PPIL4: variants seen among roughly 807,000 people sequenced by gnomAD.
PPIL4 encodes the protein peptidylprolyl isomerase like 4.
In PPIL4, 50 loss-of-function variants were observed where a neutral mutation model predicts 69.1. The observed-to-expected ratio is 0.72, with a 90% CI of 0.58 to 0.92. The LOEUF (loss-of-function observed/expected upper bound fraction) is 0.92, where lower values mean the gene tolerates loss of function less well. PPIL4 is among the 40% of genes least tolerant of loss of function. PPIL4 has a pLI of 0.00. For missense variants in PPIL4, 480 were observed against 587.9 expected (o/e 0.82, Z 1.90); for synonymous variants, 193 against 191.6 (o/e 1.01, Z -0.06).
At chr6:149,525,608 CATACAT>C (rs1233316353) in intron 8 of PPIL4, among the ~76,000 whole-genome samples, 1 of 152,124 alleles carries the variant, frequency 6.6e-6, no homozygotes, top group African/African-American at 2.4e-5. Context: ...TATGCATACT[CATACAT>C]ATATAAATGT....
At chr6:149,524,934 C>A (rs1456014102) in intron 9 of PPIL4, among the ~76,000 whole-genome samples, 4 of 151,820 alleles carry the variant, frequency 2.6e-5, no homozygotes, top group South Asian at 4.1e-4. Flanking sequence ...TACTTTCATG[C>A]AGATTGCACC....
intron 9 of PPIL4, among the ~76,000 whole-genome samples, chr6:149,523,958 G>A (rs1295043859): frequency 6.6e-6 from 1 of 152,110 alleles, no homozygotes. Context: ...ATAACTTTAT[G>A]GTCTATCTTC....
At chr6:149,530,168 T>C (rs537423940) in intron 7 of PPIL4, among the ~76,000 whole-genome samples, 22 of 152,326 alleles carry the variant, frequency 1.4e-4, no homozygotes, top group Non-Finnish European at 3.1e-4. Flanking sequence ...TGTATCAATA[T>C]TGGCTCATCA....
At chr6:149,536,626 A>G (rs1777280112) in intron 4 of PPIL4, among the ~76,000 whole-genome samples, 1 of 152,016 alleles carries the variant, frequency 6.6e-6, no homozygotes, top group African/African-American at 2.4e-5. Context: ...ACTTTATTCA[A>G]TTCTATAAAG....
At chr6:149,538,807 T>G (rs1383813084) in intron 4 of PPIL4, among the ~76,000 whole-genome samples, 1 of 151,786 alleles carries the variant, frequency 6.6e-6, no homozygotes, top group East Asian at 1.9e-4. Flanking sequence ...TGACCAGATA[T>G]GGAGCTCCTT....
At chr6:149,533,924 C>T (rs941983597) in intron 6 of PPIL4, among the ~76,000 whole-genome samples, 3 of 152,148 alleles carry the variant, frequency 2.0e-5, no homozygotes, top group East Asian at 1.9e-4. Context: ...TGGGAGAACA[C>T]GCAGGTGGAT....
chr6:149,529,798 A>G (rs916129000), intron 7 of PPIL4, among the ~76,000 whole-genome samples: 2 of 151,614 alleles, frequency 1.3e-5, no homozygotes, highest in African/African-American at 4.9e-5. Flanking sequence ...GAAAAGAAAG[A>G]AAAAGAAAAA....
At chr6:149,529,436 G>A (rs919978311) in intron 7 of PPIL4, among the ~76,000 whole-genome samples, 8 of 151,108 alleles carry the variant, frequency 5.3e-5, no homozygotes, top group African/African-American at 1.9e-4. Flanking sequence ...GCAACAGAGC[G>A]AGAACCTGTC....
intron 7 of PPIL4, among the ~76,000 whole-genome samples, chr6:149,528,649 A>G (rs1482410564): frequency 6.6e-6 from 1 of 152,258 alleles, no homozygotes; most frequent in East Asian, 1.9e-4. Flanking sequence ...GAGGCAAAAG[A>G]AACCCTCATT....
intron 7 of PPIL4, among the ~76,000 whole-genome samples, chr6:149,532,588 TCAGA>T (rs1777215552): frequency 6.6e-6 from 1 of 152,206 alleles, no homozygotes; most frequent in Non-Finnish European, 1.5e-5. Context: ...ATTTGTTCAT[TCAGA>T]CAGTTGATGG....
At chr6:149,513,438 T>TATATATATATATATAC (rs747681212) in intron 11 of PPIL4, among the ~76,000 whole-genome samples, 1 of 103,426 alleles carries the variant, frequency 9.7e-6, no homozygotes, top group African/African-American at 3.7e-5. Flanking sequence ...TATATATATA[T>TATATATATATATATAC]ACATATAAAA....
intron 9 of PPIL4, among the ~76,000 whole-genome samples, chr6:149,524,862 C>T (rs1156349822): frequency 1.3e-5 from 2 of 151,760 alleles, no homozygotes; most frequent in Non-Finnish European, 2.9e-5. Flanking sequence ...GACTGCGCCA[C>T]TGCACTCCAG....
intron 12 of PPIL4, among the ~76,000 whole-genome samples, chr6:149,507,015 C>A (rs1473642678): frequency 4.6e-5 from 7 of 152,150 alleles, no homozygotes; most frequent in Non-Finnish European, 8.8e-5. Context: ...TAGACCACAG[C>A]CAATGCTCTT....
At position 149,505,424 on chromosome 6, in the gene PPIL4, T is replaced by A. The variant is rs199529936; in HGVS notation, c.*29A>T. 1.9e-6 allele frequency: 3 copies of A among 1,595,866 alleles called. No individual in the cohort carries two copies. Among genetic ancestry groups the A allele is most frequent in the Non-Finnish European group, 2.6e-6 (3 of 1,172,608 alleles). On this transcript the variant is annotated 3_prime_UTR_variant, in exon 13 of 13. Coordinates refer to ENST00000253329, the MANE Select transcript of PPIL4 (RefSeq NM_139126.4). ...CTTAAGTTAGACAAGAGTAAATATG[T>A]TAGCCTCTCAATTCTGCCTCTTCAT...
chr6:149,506,445 C>G (rs952780515), intron 12 of PPIL4, among the ~76,000 whole-genome samples: 5 of 152,190 alleles, frequency 3.3e-5, no homozygotes, highest in African/African-American at 9.7e-5. Flanking sequence ...GCACTCCAGC[C>G]TGGGCAACAA....
At chr6:149,541,886 C>T (rs1299619784) in intron 1 of PPIL4, among the ~76,000 whole-genome samples, 1 of 151,976 alleles carries the variant, frequency 6.6e-6, no homozygotes, top group Non-Finnish European at 1.5e-5. Flanking sequence ...TGGTGGCGGG[C>T]ACCTGTAATC....
At position 149,532,058 on chromosome 6, in the gene PPIL4, G is replaced by A. The variant is rs536374044; in HGVS notation, c.678+1400C>T. ...CATATTGTTATACACATTGAATACT[G>A]CTGCTCTTAGGAAATACACACTGAT... On this transcript the variant is annotated intron_variant, in intron 7 of 12. Transcript: ENST00000253329. 3.3e-5 allele frequency among the ~76,000 whole-genome samples: 5 copies of A among 152,214 alleles called. No homozygotes were observed. In the South Asian group the frequency reaches 1.0e-3, roughly 32 times the overall value.
chr6:149,511,673 T>C (rs1396724064), intron 12 of PPIL4, among the ~76,000 whole-genome samples: 1 of 152,234 alleles, frequency 6.6e-6, no homozygotes, highest in Non-Finnish European at 1.5e-5. Flanking sequence ...TATTATTTTT[T>C]TTAAATGTGC....
chr6:149,531,782 G>A (rs1205441509), intron 7 of PPIL4, among the ~76,000 whole-genome samples: 1 of 152,006 alleles, frequency 6.6e-6, no homozygotes, highest in East Asian at 1.9e-4. Flanking sequence ...CGATTCTCCT[G>A]CCTCAGCCTC....
Sources: gnomAD v4.1 joint callset for allele counts (sites outside exome capture counted in the v4.1 genomes callset) on GRCh38, gnomAD v4.1.1 for gene constraint, MANE v1.5 for transcripts, NCBI Gene and HGNC (gene_info 2026-07-23, HGNC 2026-07-21) for gene names.